The following PDE4B variants were observed in gnomAD, a reference collection of about 807,000 sequenced individuals.
PDE4B encodes the protein phosphodiesterase 4B, also known as 3',5'-cyclic-AMP phosphodiesterase 4B.
Under a neutral mutation model 82.2 loss-of-function variants are expected in PDE4B, and 20 were observed. The ratio of observed to expected loss-of-function variants is 0.24; its 90% confidence interval spans 0.17 to 0.35. The LOEUF (loss-of-function observed/expected upper bound fraction) is 0.35, where lower values mean the gene tolerates loss of function less well. PDE4B is among the 10% of genes least tolerant of loss of function. The pLI is 1.00. For synonymous variants in PDE4B, 320 were observed against 318.9 expected, an observed-to-expected ratio of 1.00 and a Z score of -0.04; for missense variants, 655 against 907.2, an observed-to-expected ratio of 0.72 and a Z score of 3.57.
At chr1:66,212,157 C>T (rs918492831) in intron 3 of PDE4B, among the ~76,000 whole-genome samples, 4 of 152,204 alleles carry the variant, frequency 2.6e-5, no homozygotes, top group African/African-American at 7.2e-5. Flanking sequence ...GAAACTTTCT[C>T]TTCCCCACTG....
At chr1:65,978,533 C>T (rs1650529027) in intron 3 of PDE4B, among the ~76,000 whole-genome samples, 1 of 138,974 alleles carries the variant, frequency 7.2e-6, no homozygotes, top group Admixed American at 7.5e-5. Flanking sequence ...AGGTCATTCT[C>T]CTCCATGATT....
At chr1:65,949,264 G>A (rs1312615706) in intron 3 of PDE4B, among the ~76,000 whole-genome samples, 16 of 152,078 alleles carry the variant, frequency 1.1e-4, no homozygotes, top group Admixed American at 9.8e-4. Flanking sequence ...AATATGGTCG[G>A]TACAGGGTTT....
At chr1:65,920,321 A>C (rs1167896761) in intron 3 of PDE4B, among the ~76,000 whole-genome samples, 1 of 152,186 alleles carries the variant, frequency 6.6e-6, no homozygotes, top group Admixed American at 6.5e-5. Context: ...ATTTCTCACA[A>C]TCTAAAAACA....
intron 3 of PDE4B, among the ~76,000 whole-genome samples, chr1:65,979,334 GGTACACA>G (rs1650568878): frequency 6.6e-6 from 1 of 152,162 alleles, no homozygotes. Flanking sequence ...ATCATTCCTT[GGTACACA>G]GTGTTACCAT....
intron 1 of PDE4B, among the ~76,000 whole-genome samples, chr1:65,875,621 A>T (rs1369889898): frequency 3.4e-5 from 5 of 149,054 alleles, no homozygotes; most frequent in South Asian, 2.2e-4. Context: ...CTATGCAGCC[A>T]TAAAAAATGA....
intron 1 of PDE4B, among the ~76,000 whole-genome samples, chr1:65,806,833 C>T (rs1645760069): frequency 6.6e-6 from 1 of 152,192 alleles, no homozygotes; most frequent in Non-Finnish European, 1.5e-5. Context: ...TCTCTGACGG[C>T]AGTTGTAAAA....
At chr1:66,050,024 A>G (rs1194013900) in intron 3 of PDE4B, among the ~76,000 whole-genome samples, 1 of 152,096 alleles carries the variant, frequency 6.6e-6, no homozygotes, top group African/African-American at 2.4e-5. Flanking sequence ...GTTTTGGGAC[A>G]TAGGCAACAA....
intron 3 of PDE4B, among the ~76,000 whole-genome samples, chr1:66,084,681 G>A (rs1387411654): frequency 6.6e-6 from 1 of 152,156 alleles, no homozygotes; most frequent in African/African-American, 2.4e-5. Context: ...AGGTGTGGAA[G>A]TGAGGATCAG....
chr1:65,986,825 A>G (rs987768062), intron 3 of PDE4B, among the ~76,000 whole-genome samples: 2 of 152,174 alleles, frequency 1.3e-5, no homozygotes, highest in Non-Finnish European at 2.9e-5. Flanking sequence ...GACAAGTACT[A>G]TGGAGAAAAA....
At chr1:66,282,672 C>T (rs1330052630) in intron 7 of PDE4B, among the ~76,000 whole-genome samples, 2 of 152,212 alleles carry the variant, frequency 1.3e-5, no homozygotes, top group African/African-American at 2.4e-5. Flanking sequence ...TCAGTACTGG[C>T]ACCAACCAGG....
At chr1:66,314,080 C>G (rs1486643537) in intron 7 of PDE4B, among the ~76,000 whole-genome samples, 1 of 152,134 alleles carries the variant, frequency 6.6e-6, no homozygotes, top group African/African-American at 2.4e-5. Context: ...ACTCGTCTCT[C>G]CAGTCCTCCA....
intron 4 of PDE4B, among the ~76,000 whole-genome samples, chr1:66,256,954 G>C (rs1654280725): frequency 6.6e-6 from 1 of 152,198 alleles, no homozygotes; most frequent in Non-Finnish European, 1.5e-5. Flanking sequence ...GTATGTGCCA[G>C]AGAGACAGTG....
chr1:66,240,204 C>T (rs948591232), intron 3 of PDE4B, among the ~76,000 whole-genome samples: 1 of 152,250 alleles, frequency 6.6e-6, no homozygotes. Flanking sequence ...TTCGTCTGTG[C>T]TGTCTGTGGT....
chr1:66,245,268 G>A (rs897850336), intron 3 of PDE4B, among the ~76,000 whole-genome samples: 4 of 152,198 alleles, frequency 2.6e-5, no homozygotes, highest in Non-Finnish European at 5.9e-5. Flanking sequence ...TTAAAAGTAT[G>A]TTAGTGTTTT....
intron 1 of PDE4B, among the ~76,000 whole-genome samples, chr1:65,898,663 A>C (rs1034226922): frequency 6.6e-6 from 1 of 152,136 alleles, no homozygotes; most frequent in Non-Finnish European, 1.5e-5. Context: ...ATAAACCAAA[A>C]TACTTACAGA....
At chr1:66,199,753 A>G (rs1648707789) in intron 3 of PDE4B, among the ~76,000 whole-genome samples, 1 of 152,204 alleles carries the variant, frequency 6.6e-6, no homozygotes, top group South Asian at 2.1e-4. Context: ...AAATTAAATT[A>G]CCAAGAGTGA....
chr1:65,848,365 C>T (rs768599986), intron 1 of PDE4B, among the ~76,000 whole-genome samples: 38 of 152,164 alleles, frequency 2.5e-4, no homozygotes, highest in South Asian at 1.9e-3. Context: ...AGGATGGTCT[C>T]GATCTCTTGA....
chr1:66,368,980 T>C lies in PDE4B; in HGVS notation c.1845+11T>C, dbSNP rs188311376. The C allele has an allele frequency of 1.1e-5, 18 of 1,591,084 alleles. No homozygotes were observed. Among genetic ancestry groups the C allele is most frequent in the African/African-American group, 2.7e-5 (2 of 74,242 alleles). ...GTGGAAAAATCCCAGGTATCTAATATGAGATTTTCAAAGTTTTTGTGAGCT... is the reference window on the plus strand; with the variant it reads ...GTGGAAAAATCCCAGGTATCTAATACGAGATTTTCAAAGTTTTTGTGAGCT... On this transcript the variant is annotated intron_variant, in intron 16 of 16. Coordinates refer to ENST00000341517, the MANE Select transcript of PDE4B (RefSeq NM_002600.4).
At chr1:65,963,945 C>G (rs1649674651) in intron 3 of PDE4B, among the ~76,000 whole-genome samples, 1 of 152,102 alleles carries the variant, frequency 6.6e-6, no homozygotes, top group Admixed American at 6.6e-5. Flanking sequence ...ATGTAAAAAT[C>G]TTTATACATT....
Sources: gnomAD v4.1 joint callset for allele counts (sites outside exome capture counted in the v4.1 genomes callset) on GRCh38, gnomAD v4.1.1 for gene constraint, MANE v1.5 for transcripts, NCBI Gene and HGNC (gene_info 2026-07-23, HGNC 2026-07-21) for gene names.